The following SGIP1 variants were observed in gnomAD, a reference collection of about 807,000 sequenced individuals.
SGIP1 encodes SH3-containing GRB2-like protein 3-interacting protein 1.
SGIP1 carries 38 observed loss-of-function variants against 107.5 expected under a neutral mutation model. The ratio of observed to expected loss-of-function variants is 0.35; its 90% CI spans 0.27 to 0.46. The LOEUF is 0.46. SGIP1 is among the 20% of genes least tolerant of loss of function. The pLI is 1.00. For synonymous variants in SGIP1, 365 were observed against 366.1 expected, an observed-to-expected ratio of 1.00 and a Z score of 0.03; for missense variants, 929 against 1,019.5, an observed-to-expected ratio of 0.91 and a Z score of 1.21.
chr1:66,718,551 T>C (rs2093366139), intron 18 of SGIP1, among the ~76,000 whole-genome samples: 1 of 152,128 alleles, frequency 6.6e-6, no homozygotes, highest in African/African-American at 2.4e-5. Flanking sequence ...ATGGGAATAA[T>C]CATACCTATC....
intron 2 of SGIP1, 53 bp downstream of exon 2, chr1:66,625,963 C>T: frequency 1.4e-6 from 2 of 1,433,678 alleles, no homozygotes; most frequent in Non-Finnish European, 1.9e-6. Context: ...ATAAGAGATG[C>T]TCTTATCACA....
At chr1:66,630,666 C>T (rs1281138845) in intron 2 of SGIP1, among the ~76,000 whole-genome samples, 6 of 150,370 alleles carry the variant, frequency 4.0e-5, no homozygotes, top group South Asian at 2.1e-4. Flanking sequence ...ATTAGCTGGG[C>T]GTGGTGATGC....
intron 1 of SGIP1, among the ~76,000 whole-genome samples, chr1:66,593,769 CA>C (rs1270486491): frequency 6.6e-6 from 1 of 151,930 alleles, no homozygotes; most frequent in Non-Finnish European, 1.5e-5. Context: ...ACCCTGTCAC[CA>C]AAAAAGATAT....
At chr1:66,726,776 T>G (rs367657654) in intron 19 of SGIP1, among the ~76,000 whole-genome samples, 2 of 152,182 alleles carry the variant, frequency 1.3e-5, no homozygotes, top group African/African-American at 4.8e-5. Context: ...TGAAGCTAAA[T>G]GTAAACTCAA....
intron 1 of SGIP1, among the ~76,000 whole-genome samples, chr1:66,589,800 A>C (rs532914519): frequency 1.3e-5 from 2 of 152,222 alleles, no homozygotes; most frequent in Non-Finnish European, 2.9e-5. Flanking sequence ...GGCCTATACA[A>C]ATCTCAAATA....
intron 7 of SGIP1, among the ~76,000 whole-genome samples, chr1:66,649,951 G>A (rs2078419548): frequency 2.0e-5 from 3 of 152,032 alleles, no homozygotes; most frequent in Admixed American, 2.0e-4. Flanking sequence ...CTATTAATGG[G>A]GTGACTCCCA....
At chr1:66,702,282 A>G (rs1011372127) in intron 18 of SGIP1, among the ~76,000 whole-genome samples, 20 of 152,202 alleles carry the variant, frequency 1.3e-4, no homozygotes, top group Non-Finnish European at 1.0e-4. Flanking sequence ...CAGCTAGTCA[A>G]TGGTTAAATA....
chr1:66,537,537 CT>C (rs1357258943), intron 1 of SGIP1, among the ~76,000 whole-genome samples: 1 of 152,058 alleles, frequency 6.6e-6, no homozygotes. Context: ...AAGTACTTTC[CT>C]TGTTCACGTA....
intron 1 of SGIP1, among the ~76,000 whole-genome samples, chr1:66,592,251 T>G (rs2063765014): frequency 6.6e-6 from 1 of 152,308 alleles, no homozygotes; most frequent in East Asian, 1.9e-4. Context: ...GAGGTCTTTG[T>G]GGCCTTCCGC....
chr1:66,745,736 G>T lies in SGIP1; in HGVS notation c.*2641G>T, dbSNP rs145344127. On this transcript the variant is annotated 3_prime_UTR_variant, in exon 25 of 25. Coordinates refer to ENST00000371037, the MANE Select transcript of SGIP1 (RefSeq NM_032291.4). ...TTCCTGAACGTTATGATCTTTAAAA[G>T]GTTCTGCTTTAGCAAGATAAAAAGT... 19 of 152,110 alleles carry T rather than the reference G, an allele frequency of 1.2e-4. No homozygotes were observed. The highest frequency in any genetic ancestry group is 2.2e-4 in the Non-Finnish European group (15 of 67,930). The allele number at this position is 152,110 out of a possible 1,614,324, so 9.4% of individuals were successfully genotyped here. A position where few individuals can be genotyped will look rare whatever the true frequency, so the allele number is the denominator to read the frequency against.
At chr1:66,720,694 C>T (rs531368143) in intron 19 of SGIP1, among the ~76,000 whole-genome samples, 1 of 152,096 alleles carries the variant, frequency 6.6e-6, no homozygotes, top group Non-Finnish European at 1.5e-5. Context: ...CCACTGCACT[C>T]CAGCCTGGGT....
At chr1:66,636,831 T>A (rs1416807059) in intron 4 of SGIP1, among the ~76,000 whole-genome samples, 1 of 152,180 alleles carries the variant, frequency 6.6e-6, no homozygotes, top group Non-Finnish European at 1.5e-5. Context: ...AAACTGAGAA[T>A]TTTGATGAAT....
At chr1:66,679,362 T>G (rs540576454) in intron 13 of SGIP1, among the ~76,000 whole-genome samples, 2 of 152,302 alleles carry the variant, frequency 1.3e-5, no homozygotes, top group South Asian at 4.1e-4. Flanking sequence ...ATGACCCTAG[T>G]TCCTAGTACA....
chr1:66,707,727 G>C (rs551283995), intron 18 of SGIP1, among the ~76,000 whole-genome samples: 8 of 152,260 alleles, frequency 5.3e-5, no homozygotes, highest in South Asian at 2.1e-4. Flanking sequence ...CAAGAGAGTT[G>C]ATGAGTTGTC....
Position 66,746,185 on chromosome 1 carries a change from T to C in SGIP1, c.*3090T>C, listed in dbSNP as rs903572453. ...AAGCAGATAACTATAATACCTTGGC[T>C]CTGCCACTGACTCCTGCCGTATGAT... On this transcript the variant is annotated 3_prime_UTR_variant, in exon 25 of 25. Transcript: ENST00000371037. The C allele has an allele frequency of 6.6e-6, 1 of 152,206 alleles. No homozygotes were observed. Among genetic ancestry groups the C allele is most frequent in the Non-Finnish European group, 1.5e-5 (1 of 68,004 alleles). The allele number at this position is 152,206 out of a possible 1,614,324, so 9.4% of individuals were successfully genotyped here. A position where few individuals can be genotyped will look rare whatever the true frequency, so the allele number is the denominator to read the frequency against.
chr1:66,684,590 T>G (rs1056477527), intron 15 of SGIP1, among the ~76,000 whole-genome samples: 1 of 152,232 alleles, frequency 6.6e-6, no homozygotes, highest in Non-Finnish European at 1.5e-5. Context: ...AAAGGACATT[T>G]AAAGAACACC....
chr1:66,588,130 T>A (rs2062930756), intron 1 of SGIP1, among the ~76,000 whole-genome samples: 1 of 152,196 alleles, frequency 6.6e-6, no homozygotes, highest in African/African-American at 2.4e-5. Context: ...ACCCTCTTTG[T>A]AATAATTTCA....
At chr1:66,557,168 T>C (rs4655495) in intron 1 of SGIP1, among the ~76,000 whole-genome samples, 85,371 of 151,912 alleles carry the variant, frequency 0.56, 25,603 homozygotes, top group East Asian at 0.98. Flanking sequence ...GTCTGTTATT[T>C]TCTAGAGTAG....
intron 17 of SGIP1, chr1:66,694,756 G>A: frequency 2.6e-6 from 1 of 379,802 alleles, no homozygotes; most frequent in Non-Finnish European, 4.7e-6. Flanking sequence ...AGATGCTATT[G>A]CTTTGTGAAT....
Sources: gnomAD v4.1 joint callset for allele counts (sites outside exome capture counted in the v4.1 genomes callset) on GRCh38, gnomAD v4.1.1 for gene constraint, MANE v1.5 for transcripts, NCBI Gene and HGNC (gene_info 2026-07-23, HGNC 2026-07-21) for gene names.